FANK1: variants seen among roughly 807,000 people sequenced by gnomAD.
The protein encoded by FANK1 is fibronectin type III and ankyrin repeat domains 1, also known as fibronectin type 3 and ankyrin repeat domains protein 1.
A neutral mutation model predicts 45.3 loss-of-function variants in FANK1; 44 were observed. That is an observed-to-expected ratio of 0.97 (90% CI 0.76 to 1.25). The LOEUF is 1.25. FANK1 is among the 50% of genes most tolerant of loss of function. The probability of loss-of-function intolerance (pLI) is 0.00; values close to 1 mark genes in which losing one functional copy is unlikely to be tolerated. For missense variants in FANK1, 391 were observed against 424.4 expected (o/e 0.92, Z 0.69); for synonymous variants, 149 against 152.5 (o/e 0.98, Z 0.17).
At chr10:125,936,432 C>CAAA (rs11405392) in intron 1 of FANK1, among the ~76,000 whole-genome samples, 54 of 115,220 alleles carry the variant, frequency 4.7e-4, no homozygotes, top group African/African-American at 1.5e-3. Context: ...GATGCTGTCT[C>CAAA]AAAAAAAAAA....
intron 1 of FANK1, among the ~76,000 whole-genome samples, chr10:125,942,690 CCT>C (rs1564895465): frequency 6.6e-6 from 1 of 152,004 alleles, no homozygotes; most frequent in African/African-American, 2.4e-5. Flanking sequence ...GCTTGATACA[CCT>C]GTTATATTTT....
At chr10:125,982,049 T>C (rs1190398515) in intron 2 of FANK1, among the ~76,000 whole-genome samples, 3 of 152,272 alleles carry the variant, frequency 2.0e-5, no homozygotes, top group Non-Finnish European at 4.4e-5. Context: ...GTTCTTGTTC[T>C]GACTACTCAA....
chr10:125,946,517 GATGAA>G (rs1948813090), intron 1 of FANK1, among the ~76,000 whole-genome samples: 1 of 152,098 alleles, frequency 6.6e-6, no homozygotes, highest in African/African-American at 2.4e-5. Flanking sequence ...AGCAATGGAA[GATGAA>G]ATGAATGAAA....
intron 8 of FANK1, 125 bp downstream of exon 8, chr10:126,008,675 G>T: frequency 1.8e-6 from 2 of 1,092,052 alleles, no homozygotes; most frequent in Non-Finnish European, 2.6e-6. Context: ...GTGTGTGTGT[G>T]TTCCCTGTCG....
chr10:125,966,861 T>C (rs1488878682), intron 1 of FANK1, among the ~76,000 whole-genome samples: 1 of 152,224 alleles, frequency 6.6e-6, no homozygotes, highest in Non-Finnish European at 1.5e-5. Context: ...CTTTATTCAG[T>C]ACTATACCAG....
chr10:125,929,212 C>T (rs1234747295), intron 1 of FANK1, among the ~76,000 whole-genome samples: 1 of 152,150 alleles, frequency 6.6e-6, no homozygotes, highest in Non-Finnish European at 1.5e-5. Flanking sequence ...ATGGTAGTGG[C>T]GACAAGCTAT....
chr10:125,918,201 ATGG>A (rs1281674473), intron 1 of FANK1, among the ~76,000 whole-genome samples: 1 of 152,302 alleles, frequency 6.6e-6, no homozygotes, highest in Non-Finnish European at 1.5e-5. Flanking sequence ...CTGGAGATGG[ATGG>A]TGGTGATGGT....
At chr10:125,916,902 C>T (rs1164908177) in intron 1 of FANK1, among the ~76,000 whole-genome samples, 4 of 152,160 alleles carry the variant, frequency 2.6e-5, no homozygotes, top group African/African-American at 4.8e-5. Context: ...CCTCTCTGTC[C>T]CTGGAGGAAG....
chr10:125,961,654 G>C (rs1949935771), intron 1 of FANK1, among the ~76,000 whole-genome samples: 1 of 152,154 alleles, frequency 6.6e-6, no homozygotes, highest in African/African-American at 2.4e-5. Context: ...AGAAAACATA[G>C]GGGGAAGCCC....
chr10:126,003,745 G>A (rs558032531), intron 6 of FANK1, among the ~76,000 whole-genome samples: 42 of 151,554 alleles, frequency 2.8e-4, no homozygotes, highest in Non-Finnish European at 3.7e-4. Flanking sequence ...GCATGATCTC[G>A]GCTCACTGCA....
intron 1 of FANK1, among the ~76,000 whole-genome samples, chr10:125,954,050 A>G (rs541986596): frequency 9.5e-6 from 1 of 104,960 alleles, no homozygotes; most frequent in Non-Finnish European, 2.3e-5. Context: ...TCCCTAACAC[A>G]GTGTGTCCCT....
intron 1 of FANK1, among the ~76,000 whole-genome samples, chr10:125,919,246 C>G (rs1174533723): frequency 6.9e-5 from 7 of 102,116 alleles, no homozygotes; most frequent in Non-Finnish European, 1.3e-4. Context: ...TGCTCTGTCC[C>G]GCAGGCTGGA....
intron 1 of FANK1, among the ~76,000 whole-genome samples, chr10:125,977,078 T>C (rs1950898936): frequency 6.6e-6 from 1 of 152,220 alleles, no homozygotes; most frequent in South Asian, 2.1e-4. Context: ...GTGATCTTTG[T>C]TCCTATCCAT....
At chr10:125,918,024 G>A (rs182560327) in intron 1 of FANK1, among the ~76,000 whole-genome samples, 42 of 152,010 alleles carry the variant, frequency 2.8e-4, no homozygotes, top group African/African-American at 1.0e-3. Context: ...AGCTTTCAGT[G>A]AATTATGATC....
chr10:125,949,911 AAG>A (rs1305195291), intron 1 of FANK1, among the ~76,000 whole-genome samples: 1 of 143,568 alleles, frequency 7.0e-6, no homozygotes. Context: ...CTGGTACCAA[AAG>A]AGAGATATAG....
intron 1 of FANK1, among the ~76,000 whole-genome samples, chr10:125,944,289 A>G (rs1948632522): frequency 6.6e-6 from 1 of 152,194 alleles, no homozygotes; most frequent in East Asian, 1.9e-4. Flanking sequence ...TATTTTGATT[A>G]ATTCTCCATG....
At chr10:125,994,104 G>A (rs1047092755) in intron 3 of FANK1, among the ~76,000 whole-genome samples, 8 of 151,638 alleles carry the variant, frequency 5.3e-5, no homozygotes, top group Non-Finnish European at 1.2e-4. Context: ...ATCTTTCTGG[G>A]CCGGACCATA....
At chr10:125,988,767 T>TA in intron 3 of FANK1, 92 bp downstream of exon 3, 1 of 1,584,626 alleles carries the variant, frequency 6.3e-7, no homozygotes, top group Non-Finnish European at 8.7e-7. Context: ...CGTTTGGCCT[T>TA]ACCAGAAGCA....
At chr10:125,971,674 T>C (rs1217602917) in intron 1 of FANK1, among the ~76,000 whole-genome samples, 3 of 152,010 alleles carry the variant, frequency 2.0e-5, no homozygotes, top group Non-Finnish European at 4.4e-5. Context: ...CAGGCTGGAG[T>C]GCGGTGGCAT....
Sources: allele counts gnomAD v4.1 joint callset (sites outside exome capture counted in the v4.1 genomes callset), GRCh38; gene constraint gnomAD v4.1.1; transcripts MANE v1.5; gene names NCBI Gene and HGNC (gene_info 2026-07-23, HGNC 2026-07-21).